The following MME variants were observed in gnomAD, a reference collection of about 807,000 sequenced individuals.
MME encodes the protein membrane metalloendopeptidase.
In MME, 98 loss-of-function variants were observed where a neutral mutation model predicts 113.2. That is an observed-to-expected ratio of 0.87 (90% CI 0.74 to 1.02). MME has a LOEUF of 1.02. MME is among the 50% of genes least tolerant of loss of function. MME has a pLI of 0.00. For synonymous variants in MME, 292 were observed against 300.6 expected, an observed-to-expected ratio of 0.97 and a Z score of 0.30; for missense variants, 836 against 896.0, an observed-to-expected ratio of 0.93 and a Z score of 0.86.
chr3:155,147,649 T>A (rs531268990), intron 15 of MME, among the ~76,000 whole-genome samples: 3 of 152,280 alleles, frequency 2.0e-5, no homozygotes, highest in East Asian at 3.9e-4. Flanking sequence ...CAAACCCTGA[T>A]ATTTGAGAAC....
intron 17 of MME, among the ~76,000 whole-genome samples, chr3:155,166,520 G>A (rs185679759): frequency 6.6e-6 from 1 of 152,260 alleles, no homozygotes; most frequent in African/African-American, 2.4e-5. Context: ...AGGCAGAAAG[G>A]ACCTTCTGAA....
intron 1 of MME, among the ~76,000 whole-genome samples, chr3:155,035,874 T>C (rs139294254): frequency 2.6e-5 from 4 of 152,214 alleles, no homozygotes; most frequent in Non-Finnish European, 5.9e-5. Context: ...AGCAGAGCAA[T>C]GACATGGATA....
intron 8 of MME, among the ~76,000 whole-genome samples, chr3:155,120,316 C>G (rs1436995851): frequency 1.8e-5 from 2 of 111,944 alleles, no homozygotes; most frequent in African/African-American, 6.1e-5. Flanking sequence ...TGGATATTAG[C>G]CCTTTGTCAG....
At chr3:155,085,909 A>G (rs533021204) in intron 3 of MME, among the ~76,000 whole-genome samples, 5 of 152,338 alleles carry the variant, frequency 3.3e-5, no homozygotes, top group Admixed American at 3.3e-4. Context: ...AACACAAAAG[A>G]AAGAAACTAT....
chr3:155,139,966 T>G (rs917479551), intron 9 of MME, among the ~76,000 whole-genome samples: 6 of 152,194 alleles, frequency 3.9e-5, no homozygotes, highest in Non-Finnish European at 7.3e-5. Context: ...TTTTTAAAAA[T>G]TTTAAACTTG....
intron 20 of MME, among the ~76,000 whole-genome samples, chr3:155,170,580 C>T (rs142133393): frequency 1.8e-3 from 278 of 152,208 alleles, no homozygotes; most frequent in African/African-American, 6.5e-3. Context: ...GTGTAAGTAC[C>T]ATAAATTATT....
upstream of MME, among the ~76,000 whole-genome samples, chr3:155,077,226 C>T (rs575997884): frequency 1.5e-3 from 233 of 152,258 alleles, no homozygotes; most frequent in Middle Eastern, 0.014. Context: ...TGCACTATAG[C>T]ATTTTTAAAG....
rs201140768 is a variant in MME at position 155,084,335 on chromosome 3, A to G, written c.160+8A>G. 1.2e-5 allele frequency: 19 copies of G among 1,613,758 alleles called. No individual in the cohort carries two copies. Among genetic ancestry groups the G allele is most frequent in the Admixed American group, 1.7e-5 (1 of 59,984 alleles). On this transcript the variant is annotated splice_region_variant and intron_variant, in intron 2 of 22. Transcript: ENST00000360490. ...TCTATGCAACCTACGATGGTGAGTT[A>G]CTCCCACACCTGTGCATCCATAAGT...
chr3:155,093,326 CA>C (rs1716449085), intron 3 of MME, among the ~76,000 whole-genome samples: 1 of 149,578 alleles, frequency 6.7e-6, no homozygotes, highest in African/African-American at 2.4e-5. Context: ...AATAGTAAAT[CA>C]ACTGGGAAGT....
intron 3 of MME, among the ~76,000 whole-genome samples, chr3:155,111,332 C>T (rs183796164): frequency 7.2e-5 from 11 of 152,324 alleles, no homozygotes; most frequent in African/African-American, 2.4e-4. Flanking sequence ...TTCATCAGAA[C>T]AGAGAGCGCT....
chr3:155,154,533 T>G (rs1167455948), intron 16 of MME, among the ~76,000 whole-genome samples: 2 of 152,176 alleles, frequency 1.3e-5, no homozygotes. Flanking sequence ...TGGACCTTAC[T>G]GTGAAGTTTT....
chr3:155,046,942 A>C (rs1713579967), intron 1 of MME, among the ~76,000 whole-genome samples: 1 of 152,214 alleles, frequency 6.6e-6, no homozygotes, highest in African/African-American at 2.4e-5. Context: ...GAGTCAGATA[A>C]TTTTAATTTA....
At chr3:155,114,902 C>G in intron 3 of MME, 92 bp from the exon 4 acceptor site, 1 of 1,286,870 alleles carries the variant, frequency 7.8e-7, no homozygotes, top group Non-Finnish European at 1.1e-6. Flanking sequence ...CAAATTGATG[C>G]AATCAAAAGG....
chr3:155,081,206 T>C (rs1299008210), intron 1 of MME: 4 of 152,202 alleles, frequency 2.6e-5, no homozygotes, highest in Admixed American at 2.6e-4. Context: ...CCTGCAGATA[T>C]AAGTTAATGT....
At chr3:155,066,561 G>T (rs555538714) in intron 1 of MME, among the ~76,000 whole-genome samples, 14 of 151,956 alleles carry the variant, frequency 9.2e-5, no homozygotes, top group Middle Eastern at 3.4e-3. Context: ...AGTCATTTGT[G>T]TATTATGGTA....
chr3:155,176,812 C>T (rs1332235113), intron 22 of MME, among the ~76,000 whole-genome samples: 1 of 152,036 alleles, frequency 6.6e-6, no homozygotes, highest in African/African-American at 2.4e-5. Context: ...AGTGACAGAG[C>T]GAGACCCTGT....
chr3:155,116,818 A>G (rs1482982592), intron 6 of MME, 50 bp from the exon 7 acceptor site: 1 of 1,548,908 alleles, frequency 6.5e-7, no homozygotes, highest in East Asian at 2.3e-5. Context: ...TTATAATATC[A>G]TTAGTGAACT....
chr3:155,155,594 G>A (rs1292085937), intron 16 of MME, among the ~76,000 whole-genome samples: 1 of 152,146 alleles, frequency 6.6e-6, no homozygotes, highest in African/African-American at 2.4e-5. Context: ...ACAAAACATG[G>A]AATATTCTTG....
At position 155,140,242 on chromosome 3, in the gene MME, A is replaced by G. The variant is rs2108307905; in HGVS notation, c.907A>G (p.Met303Val). 1.1e-5 allele frequency: 18 copies of G among 1,612,990 alleles called. No individual in the cohort carries two copies. The highest frequency in any genetic ancestry group is 1.4e-5 in the Non-Finnish European group (16 of 1,179,362). Residue 303 changes from methionine (M) to valine (V), a missense_variant, in exon 10 of 23, where the codon ATG becomes GTG. By Grantham distance (21) the Met-to-Val change is conservative. Transcript: ENST00000360490. ...TGATCCAATGCTTCTGTATAACAAGATGACATTGGCCCAGATCCAAAATAA... is the reference window on the plus strand; with the variant it reads ...TGATCCAATGCTTCTGTATAACAAGGTGACATTGGCCCAGATCCAAAATAA... ...RNDPMLLYNKMTLAQIQNNFS... is the reference protein window; with the variant it reads ...RNDPMLLYNKVTLAQIQNNFS...
Sources: allele counts gnomAD v4.1 joint callset (sites outside exome capture counted in the v4.1 genomes callset), GRCh38; gene constraint gnomAD v4.1.1; transcripts MANE v1.5; gene names NCBI Gene and HGNC (gene_info 2026-07-23, HGNC 2026-07-21).